The following ACCSL variants were observed in gnomAD, a reference collection of about 807,000 sequenced individuals.
ACCSL encodes the protein probable inactive 1-aminocyclopropane-1-carboxylate synthase-like protein 2.
ACCSL carries 55 observed loss-of-function variants against 61.7 expected under a neutral mutation model. The observed-to-expected ratio is 0.89, with a 90% CI of 0.72 to 1.12. ACCSL has a LOEUF of 1.12. ACCSL is among the 50% of genes most tolerant of loss of function. The pLI is 0.00. For synonymous variants in ACCSL, 258 were observed against 264.3 expected (o/e 0.98, Z 0.23); for missense variants, 632 against 698.0 (o/e 0.91, Z 1.07).
the ACCSL span, among the ~76,000 whole-genome samples, chr11:43,945,944 G>T: frequency 6.6e-6 from 1 of 152,216 alleles, no homozygotes; most frequent in African/African-American, 2.4e-5. Context: ...AACAACAGAG[G>T]TTATTGAGGG....
chr11:44,028,552 C>T, the ACCSL span, among the ~76,000 whole-genome samples: 60,931 of 152,064 alleles, frequency 0.4, 12,706 homozygotes, highest in Admixed American at 0.42. Context: ...AAATTTATTA[C>T]AGCTGCTCCA....
the ACCSL span, among the ~76,000 whole-genome samples, chr11:44,026,659 T>C: frequency 1.3e-5 from 2 of 152,228 alleles, no homozygotes; most frequent in Admixed American, 6.5e-5. Flanking sequence ...GTGGCAACTC[T>C]GAAAATCAGA....
chr11:43,958,327 A>G, the ACCSL span, among the ~76,000 whole-genome samples: 2 of 152,272 alleles, frequency 1.3e-5, no homozygotes, highest in South Asian at 2.1e-4. Flanking sequence ...GGACCTGCCA[A>G]CTGGTTCTAT....
intron 3 of ACCSL, among the ~76,000 whole-genome samples, chr11:44,051,132 T>C (rs944641230): frequency 1.3e-5 from 2 of 152,228 alleles, no homozygotes; most frequent in Non-Finnish European, 2.9e-5. Context: ...TGAGCCACTG[T>C]GCCCGGCCAA....
At chr11:43,991,615 G>A in the ACCSL span, among the ~76,000 whole-genome samples, 90 of 152,246 alleles carry the variant, frequency 5.9e-4, 1 homozygote, top group Middle Eastern at 3.4e-3. Context: ...CCAACATGGC[G>A]AAACCCCATC....
the ACCSL span, among the ~76,000 whole-genome samples, chr11:43,973,034 T>C: frequency 4.6e-5 from 7 of 152,218 alleles, no homozygotes; most frequent in African/African-American, 1.7e-4. Context: ...GAGAGCTGGT[T>C]AAATGCAGAT....
intron 11 of ACCSL, among the ~76,000 whole-genome samples, chr11:44,056,745 T>C (rs1245388223): frequency 6.6e-6 from 1 of 152,088 alleles, no homozygotes; most frequent in Non-Finnish European, 1.5e-5. Context: ...GGCAGGAGAA[T>C]CTCCTGAACC....
the ACCSL span, chr11:43,995,568 C>G: frequency 6.6e-6 from 1 of 152,304 alleles, no homozygotes; most frequent in African/African-American, 2.4e-5. Context: ...CCTAGGGAAC[C>G]TGGCCTGAGC....
the ACCSL span, among the ~76,000 whole-genome samples, chr11:43,953,812 C>T: frequency 2.0e-5 from 3 of 152,210 alleles, no homozygotes; most frequent in South Asian, 2.1e-4. Flanking sequence ...AGCATATAAT[C>T]GAAAAATAAC....
At chr11:44,017,438 A>G in the ACCSL span, among the ~76,000 whole-genome samples, 1 of 152,182 alleles carries the variant, frequency 6.6e-6, no homozygotes, top group Non-Finnish European at 1.5e-5. Context: ...AAAGCCCTGA[A>G]AAAAGTGCTG....
the ACCSL span, among the ~76,000 whole-genome samples, chr11:43,970,708 A>ATTTGTGCATTCATGTATTTATG: frequency 6.6e-6 from 1 of 152,046 alleles, no homozygotes; most frequent in Non-Finnish European, 1.5e-5. Context: ...CCATTTATTT[A>ATTTGTGCATTCATGTATTTATG]TTTGTGCATT....
the ACCSL span, among the ~76,000 whole-genome samples, chr11:44,006,919 C>T: frequency 6.6e-6 from 1 of 152,146 alleles, no homozygotes; most frequent in African/African-American, 2.4e-5. Flanking sequence ...TTCTCCTCCC[C>T]GCGGTTGGAC....
chr11:43,932,404 A>G, the ACCSL span, among the ~76,000 whole-genome samples: 1 of 152,158 alleles, frequency 6.6e-6, no homozygotes, highest in Non-Finnish European at 1.5e-5. Flanking sequence ...AGCAGCTGGG[A>G]CCACAGATGC....
At chr11:43,923,987 C>T in the ACCSL span, among the ~76,000 whole-genome samples, 1,255 of 152,326 alleles carry the variant, frequency 8.2e-3, 13 homozygotes, top group African/African-American at 0.029. Flanking sequence ...TCCCTATTCT[C>T]ATGTGGCCTC....
chr11:44,048,110 T>G lies in ACCSL; in HGVS notation c.74T>G (p.Ile25Ser). 1 of 1,614,136 alleles carries G rather than the reference T, an allele frequency of 6.2e-7. No homozygotes were observed. Among genetic ancestry groups the G allele is most frequent in the Non-Finnish European group, 8.5e-7 (1 of 1,180,024 alleles). ...RRGRVPRDHS[I>S]YTQLLEITLH... ...GGCCGGGTCCCCAGAGACCACAGCA[T>G]CTATACCCAGCTGTTGGAGATAACG... The change falls in exon 1 of 14, where the codon ATC becomes AGC. Residue 25 changes from isoleucine to serine, a missense_variant. Transcript: ENST00000378832.
At chr11:43,987,053 C>T in the ACCSL span, among the ~76,000 whole-genome samples, 44 of 152,256 alleles carry the variant, frequency 2.9e-4, no homozygotes, top group East Asian at 4.8e-3. Context: ...GGCCTGGGAC[C>T]CTGGCTGCTC....
the ACCSL span, among the ~76,000 whole-genome samples, chr11:43,936,566 T>C: frequency 6.6e-6 from 1 of 150,718 alleles, no homozygotes; most frequent in Non-Finnish European, 1.5e-5. Flanking sequence ...GGGCATTGCT[T>C]CTACACACTG....
chr11:43,943,624 G>A, the ACCSL span: 10 of 1,306,416 alleles, frequency 7.7e-6, no homozygotes, highest in Admixed American at 2.3e-5. The surrounding 1 kb of genome is among the most constrained non-coding windows in gnomAD (Gnocchi z 4.8). Flanking sequence ...TTGCAACTCC[G>A]ATTTTGCACA....
upstream of ACCSL, among the ~76,000 whole-genome samples, chr11:44,047,796 G>A (rs777602695): frequency 6.6e-6 from 1 of 152,194 alleles, no homozygotes; most frequent in African/African-American, 2.4e-5. Flanking sequence ...TTTAAATAGA[G>A]CACTCAGTGT....
Sources: gnomAD v4.1 joint callset for allele counts (sites outside exome capture counted in the v4.1 genomes callset) on GRCh38, gnomAD v4.1.1 for gene constraint, Gnocchi (gnomAD v3.1) non-coding constraint, MANE v1.5 for transcripts, NCBI Gene and HGNC (gene_info 2026-07-23, HGNC 2026-07-21) for gene names.